ERMP1: variants seen among roughly 807,000 people sequenced by gnomAD.
ERMP1 encodes endoplasmic reticulum metallopeptidase 1.
Under a neutral mutation model 92.0 loss-of-function variants are expected in ERMP1, and 86 were observed. The ratio of observed to expected loss-of-function variants is 0.93; its 90% CI spans 0.79 to 1.12. The LOEUF (loss-of-function observed/expected upper bound fraction) is 1.12. Among genes scored for constraint, ERMP1 ranks in the 50% most tolerant of loss-of-function variants. The pLI is 0.00. For missense variants in ERMP1, 1,342 were observed against 1,116.3 expected (o/e 1.20, Z -2.88); for synonymous variants, 530 against 412.8 (o/e 1.28, Z -3.44).
At chr9:5,859,924 T>A (rs1364173217) in intron 5 of ERMP1, among the ~76,000 whole-genome samples, 2 of 152,214 alleles carry the variant, frequency 1.3e-5, no homozygotes, top group African/African-American at 2.4e-5. Context: ...CACACCCCTG[T>A]ATTACACAGG....
At chr9:5,835,357 C>CGCGCGT (rs1554627609), upstream of ERMP1, among the ~76,000 whole-genome samples, 3 of 150,428 alleles carry the variant, frequency 2.0e-5, no homozygotes, top group South Asian at 4.2e-4. Flanking sequence ...TGAACGCGCG[C>CGCGCGT]GCGCATGTGT....
chr9:5,820,733 G>C (rs553571432), intron 4 of ERMP1, among the ~76,000 whole-genome samples: 52 of 152,316 alleles, frequency 3.4e-4, no homozygotes, highest in African/African-American at 1.2e-3. Context: ...ACAGAAAAAG[G>C]AGTATGGTTT....
At chr9:5,854,910 A>G (rs1164046020) in intron 6 of ERMP1, among the ~76,000 whole-genome samples, 1 of 152,188 alleles carries the variant, frequency 6.6e-6, no homozygotes, top group Non-Finnish European at 1.5e-5. Flanking sequence ...AGGATTCCCA[A>G]AAGACTTTGG....
intron 6 of ERMP1, among the ~76,000 whole-genome samples, chr9:5,855,469 C>T (rs1009389563): frequency 2.6e-5 from 4 of 152,246 alleles, no homozygotes; most frequent in African/African-American, 9.6e-5. Flanking sequence ...AGACCACCAC[C>T]ATCACTTGTA....
chr9:5,818,290 G>T (rs903741799), intron 4 of ERMP1, among the ~76,000 whole-genome samples: 4 of 152,108 alleles, frequency 2.6e-5, no homozygotes, highest in Non-Finnish European at 4.4e-5. Flanking sequence ...TAAAATGGAG[G>T]AAAAGGTATG....
rs374027145 is a variant in ERMP1 at position 5,812,159 on chromosome 9, C to G, written c.1080G>C (p.Ala360=). ...GYIYHTKYDT[A]DRILTDSIQR... ...GAATGGAATCTGTTAGAATTCTGTCCGCTGTGTCATACTTGGTGTGATAAA... is the reference window on the plus strand; with the variant it reads ...GAATGGAATCTGTTAGAATTCTGTCGGCTGTGTCATACTTGGTGTGATAAA... Residue 360 remains alanine (A), a synonymous_variant, in exon 6 of 15, where the codon GCG becomes GCC. Coordinates refer to ENST00000339450, the MANE Select transcript of ERMP1 (RefSeq NM_024896.3). 1 of 1,610,974 alleles carries G rather than the reference C, an allele frequency of 6.2e-7. No individual in the cohort carries two copies.
chr9:5,809,178 GC>G (rs1828991135), intron 8 of ERMP1, among the ~76,000 whole-genome samples: 1 of 151,896 alleles, frequency 6.6e-6, no homozygotes, highest in Non-Finnish European at 1.5e-5. Context: ...CCGCCACCTC[GC>G]CCGGCTAATT....
chr9:5,791,626 C>A lies in ERMP1; in HGVS notation c.2387-4033G>T, dbSNP rs141057551. On this transcript the variant is annotated intron_variant, in intron 13 of 14. Coordinates refer to ENST00000339450, the MANE Select transcript of ERMP1 (RefSeq NM_024896.3). ...CTCACTTTTTAAAACACCTCACAAG[C>A]AAACAAACTCTTTACAGCTTTTGAA... 2.0e-5 allele frequency among the ~76,000 whole-genome samples: 3 copies of A among 152,276 alleles called. No homozygotes were observed. In the East Asian group the frequency reaches 5.8e-4, roughly 29 times the overall value.
At chr9:5,815,805 T>G (rs776429041) in intron 4 of ERMP1, among the ~76,000 whole-genome samples, 2 of 152,084 alleles carry the variant, frequency 1.3e-5, no homozygotes, top group Non-Finnish European at 2.9e-5. Flanking sequence ...TCATTAATAA[T>G]GAGACAAACA....
intron 4 of ERMP1, among the ~76,000 whole-genome samples, chr9:5,813,844 T>A (rs62558098): frequency 6.7e-6 from 1 of 149,042 alleles, no homozygotes; most frequent in Non-Finnish European, 1.5e-5. Flanking sequence ...GTGGGATACA[T>A]TGTTTTATAA....
At chr9:5,792,791 G>C (rs1217978797) in intron 13 of ERMP1, among the ~76,000 whole-genome samples, 3 of 152,246 alleles carry the variant, frequency 2.0e-5, no homozygotes, top group East Asian at 3.9e-4. Flanking sequence ...CAGACATACT[G>C]CAAGCTCCAT....
Position 5,812,211 on chromosome 9 carries a change from T to C in ERMP1, c.1028A>G (p.Asp343Gly), listed in dbSNP as rs747485935. The C allele has an allele frequency of 2.5e-6, 4 of 1,584,808 alleles. No individual in the cohort carries two copies. The highest frequency in any genetic ancestry group is 3.4e-6 in the Non-Finnish European group (4 of 1,159,718). Residue 343 changes from aspartate to glycine, a missense_variant, in exon 6 of 15, where the codon GAC becomes GGC. Asp to Gly is a moderately conservative substitution (Grantham distance 94). Transcript: ENST00000339450. ...YRDFGNIPGI[D>G]LAFIENGYIY... Reference sequence around the variant, plus strand: ...GTATCCATTCTCAATAAAAGCTAAGTCTATTCCTAAAACATATATATAGAA... The same window carrying C: ...GTATCCATTCTCAATAAAAGCTAAGCCTATTCCTAAAACATATATATAGAA...
chr9:5,789,022 TAAA>T (rs748750700), intron 13 of ERMP1, among the ~76,000 whole-genome samples: 27 of 152,052 alleles, frequency 1.8e-4, no homozygotes, highest in Non-Finnish European at 3.5e-4. Context: ...GCGATAGTGG[TAAA>T]AATGGAAGGC....
At chr9:5,809,663 C>T (rs1829014799) in intron 8 of ERMP1, among the ~76,000 whole-genome samples, 1 of 152,206 alleles carries the variant, frequency 6.6e-6, no homozygotes, top group Non-Finnish European at 1.5e-5. Context: ...AAGGAGCTTA[C>T]ACTCCAATGG....
chr9:5,787,494 T>C lies in ERMP1; in HGVS notation c.2486A>G (p.Asp829Gly). 6.2e-7 allele frequency: 1 copy of C among 1,614,016 alleles called. No homozygotes were observed. The highest frequency in any genetic ancestry group is 1.1e-5 in the South Asian group (1 of 91,072). ...TCCATGGGAGTAAAAGACAAAGTAG[T>C]CTCCTCCTTTACTTGTGACTGGGGT... ...NGTPVTSKGG[D>G]YFVFYSHGLQ... The change falls in exon 14 of 15, where the codon GAC becomes GGC. Residue 829 changes from aspartate to glycine, a missense_variant. Coordinates refer to ENST00000339450, the MANE Select transcript of ERMP1 (RefSeq NM_024896.3).
Position 5,787,292 on chromosome 9 carries a change from G to A in ERMP1, c.2567C>T (p.Pro856Leu). 1.2e-6 allele frequency: 2 copies of A among 1,612,864 alleles called. No individual in the cohort carries two copies. Among genetic ancestry groups the A allele is most frequent in the Non-Finnish European group, 1.7e-6 (2 of 1,179,588 alleles). ...WIEVQVSEEH[P>L]EGMVTVAIAA... ...AATGGCCACGGTGACCATTCCTTCA[G>A]GATGTTCTTCTGAAACCTGCCAGAG... The change falls in exon 15 of 15, where the codon CCT becomes CTT. Residue 856 changes from proline (P) to leucine (L), a missense_variant. Coordinates refer to ENST00000339450, the MANE Select transcript of ERMP1 (RefSeq NM_024896.3).
At chr9:5,840,731 G>A (rs1830153252) in intron 6 of ERMP1, among the ~76,000 whole-genome samples, 1 of 152,236 alleles carries the variant, frequency 6.6e-6, no homozygotes, top group Admixed American at 6.5e-5. Context: ...TCTGAGAAGT[G>A]GGGTTAATAG....
intron 13 of ERMP1, among the ~76,000 whole-genome samples, chr9:5,796,376 T>C (rs962960456): frequency 6.6e-6 from 1 of 152,226 alleles, no homozygotes; most frequent in Non-Finnish European, 1.5e-5. Flanking sequence ...AAGAACAGTT[T>C]GGCAGTTTCT....
At chr9:5,822,825 G>A (rs1009375701) in intron 4 of ERMP1, among the ~76,000 whole-genome samples, 1 of 152,072 alleles carries the variant, frequency 6.6e-6, no homozygotes, top group Non-Finnish European at 1.5e-5. Context: ...TATGCCTGAG[G>A]TTGCAATTTT....
Sources: gnomAD v4.1 joint callset for allele counts (sites outside exome capture counted in the v4.1 genomes callset) on GRCh38, gnomAD v4.1.1 for gene constraint, MANE v1.5 for transcripts, NCBI Gene and HGNC (gene_info 2026-07-23, HGNC 2026-07-21) for gene names.